TNR: variants seen among roughly 807,000 people sequenced by gnomAD.
TNR encodes tenascin R, also known as tenascin-R.
Under a neutral mutation model 150.4 loss-of-function variants are expected in TNR, and 45 were observed. The ratio of observed to expected loss-of-function variants is 0.30; its 90% CI spans 0.24 to 0.38. The LOEUF is 0.38. Ranked by LOEUF, TNR falls within the 10% of genes least tolerant of loss-of-function variation. The pLI is 1.00. For missense variants in TNR, 1,544 were observed against 1,759.1 expected (o/e 0.88, Z 2.19); for synonymous variants, 687 against 678.4 (o/e 1.01, Z -0.20).
At chr1:175,673,776 G>C (rs2011594) in intron 1 of TNR, among the ~76,000 whole-genome samples, 11,947 of 152,302 alleles carry the variant, frequency 0.078, 560 homozygotes, top group African/African-American at 0.13. Flanking sequence ...AAAGAACTGA[G>C]AGTGCAGGGC....
chr1:175,521,192 C>T (rs903579357), intron 2 of TNR, among the ~76,000 whole-genome samples: 17 of 152,150 alleles, frequency 1.1e-4, no homozygotes, highest in Non-Finnish European at 1.6e-4. Flanking sequence ...TAGAACCCTT[C>T]GAAATGTATT....
chr1:175,738,034 A>G (rs1203587037), intron 1 of TNR, among the ~76,000 whole-genome samples: 1 of 152,196 alleles, frequency 6.6e-6, no homozygotes, highest in Non-Finnish European at 1.5e-5. Context: ...GCTGTTGTAC[A>G]GATTAGCAAT....
Position 175,514,062 on chromosome 1 carries a change from A to C in TNR, c.-64+14207T>G, listed in dbSNP as rs1659305044. Among the ~76,000 whole-genome samples, 2 of 152,202 alleles carry C rather than the reference A, an allele frequency of 1.3e-5. 1 individual carries two copies. The highest frequency in any genetic ancestry group is 1.3e-4 in the Admixed American group (2 of 15,292). On this transcript the variant is annotated intron_variant, in intron 2 of 22. Coordinates refer to ENST00000367674, the MANE Select transcript of TNR (RefSeq NM_003285.3). Reference sequence around the variant, plus strand: ...GGCAGAATAATGACGCCTCAAAGACATCCATACCTTAGTCTCTGGAATCTG... The same window carrying C: ...GGCAGAATAATGACGCCTCAAAGACCTCCATACCTTAGTCTCTGGAATCTG...
intron 1 of TNR, among the ~76,000 whole-genome samples, chr1:175,572,303 C>A (rs1661906367): frequency 6.6e-6 from 1 of 152,074 alleles, no homozygotes; most frequent in Non-Finnish European, 1.5e-5. Flanking sequence ...AGTGAGGATA[C>A]CATAAAGAAT....
chr1:175,563,425 GGT>G (rs1457151873), intron 1 of TNR, among the ~76,000 whole-genome samples: 2 of 152,148 alleles, frequency 1.3e-5, no homozygotes, highest in African/African-American at 4.8e-5. Flanking sequence ...CTTAGCTAAC[GGT>G]TTGCCTATTT....
chr1:175,489,635 G>A (rs1034351207), intron 2 of TNR, among the ~76,000 whole-genome samples: 1 of 152,194 alleles, frequency 6.6e-6, no homozygotes. Context: ...GCTATTTGAT[G>A]TTGTGAACAT....
At chr1:175,656,451 C>T (rs900409087) in intron 1 of TNR, among the ~76,000 whole-genome samples, 4 of 152,176 alleles carry the variant, frequency 2.6e-5, no homozygotes, top group African/African-American at 9.7e-5. Context: ...TTAATTCAGC[C>T]AGCTCAGCCC....
intron 2 of TNR, among the ~76,000 whole-genome samples, chr1:175,429,528 C>A (rs983310573): frequency 1.3e-5 from 2 of 152,162 alleles, no homozygotes; most frequent in African/African-American, 2.4e-5. Context: ...GAACCTATGA[C>A]ATGATCAGTG....
At chr1:175,620,626 T>C (rs1049633669) in intron 1 of TNR, among the ~76,000 whole-genome samples, 1 of 152,142 alleles carries the variant, frequency 6.6e-6, no homozygotes, top group African/African-American at 2.4e-5. Flanking sequence ...GCCTGTATGA[T>C]TGGGCAGAGC....
chr1:175,411,305 G>A (rs1039044615), intron 2 of TNR, among the ~76,000 whole-genome samples: 5 of 152,120 alleles, frequency 3.3e-5, no homozygotes, highest in Non-Finnish European at 5.9e-5. Context: ...TCAGATGAGC[G>A]ATTGGGCTAG....
intron 13 of TNR, among the ~76,000 whole-genome samples, chr1:175,363,339 G>A (rs1362372706): frequency 6.6e-6 from 1 of 152,210 alleles, no homozygotes; most frequent in Non-Finnish European, 1.5e-5. Flanking sequence ...TGGCTTTGCT[G>A]GGTCTTTAGC....
intron 1 of TNR, among the ~76,000 whole-genome samples, chr1:175,702,127 C>G (rs1666715137): frequency 6.6e-6 from 1 of 152,178 alleles, no homozygotes; most frequent in South Asian, 2.1e-4. Context: ...GTAAGATACT[C>G]TAAGGGTGAC....
intron 8 of TNR, among the ~76,000 whole-genome samples, chr1:175,380,220 C>T (rs1051274583): frequency 6.6e-6 from 1 of 152,168 alleles, no homozygotes; most frequent in African/African-American, 2.4e-5. Flanking sequence ...AAAGGTAAGA[C>T]ATATATGGAG....
At chr1:175,336,268 C>T (rs1557871974) in intron 19 of TNR, among the ~76,000 whole-genome samples, 1 of 152,234 alleles carries the variant, frequency 6.6e-6, no homozygotes, top group Non-Finnish European at 1.5e-5. Context: ...ATATCATTCA[C>T]TTTCTGAGCT....
intron 5 of TNR, among the ~76,000 whole-genome samples, chr1:175,394,413 C>T (rs1557905091): frequency 6.6e-6 from 1 of 152,158 alleles, no homozygotes; most frequent in African/African-American, 2.4e-5. Context: ...AGAGTGATTT[C>T]CTTGATCATC....
At chr1:175,422,682 G>C (rs1243732175) in intron 2 of TNR, among the ~76,000 whole-genome samples, 2 of 152,166 alleles carry the variant, frequency 1.3e-5, no homozygotes, top group African/African-American at 4.8e-5. Context: ...AGTTTCTCTT[G>C]ATTACAGCTG....
intron 2 of TNR, among the ~76,000 whole-genome samples, chr1:175,505,966 G>A (rs1000028745): frequency 6.6e-6 from 1 of 152,248 alleles, no homozygotes; most frequent in Non-Finnish European, 1.5e-5. Context: ...CTTGACTCCA[G>A]GAGGTGGAGG....
chr1:175,471,428 C>T (rs1202968971), intron 2 of TNR, among the ~76,000 whole-genome samples: 2 of 152,186 alleles, frequency 1.3e-5, no homozygotes, highest in African/African-American at 4.8e-5. Context: ...CTATTACACA[C>T]CTAGGTATAT....
At chr1:175,466,961 C>A (rs568961308) in intron 2 of TNR, among the ~76,000 whole-genome samples, 1 of 152,232 alleles carries the variant, frequency 6.6e-6, no homozygotes, top group East Asian at 1.9e-4. Flanking sequence ...TAAATTGTGG[C>A]AGAGGTGGGA....
Sources: gnomAD v4.1 joint callset for allele counts (sites outside exome capture counted in the v4.1 genomes callset) on GRCh38, gnomAD v4.1.1 for gene constraint, MANE v1.5 for transcripts, NCBI Gene and HGNC (gene_info 2026-07-23, HGNC 2026-07-21) for gene names.